The following TNK2 variants were observed in gnomAD, a reference collection of about 807,000 sequenced individuals.
The protein encoded by TNK2 is tyrosine kinase non receptor 2.
Under a neutral mutation model 101.8 loss-of-function variants are expected in TNK2, and 83 were observed. That is an observed-to-expected ratio of 0.82 (90% CI 0.68 to 0.98). The LOEUF (loss-of-function observed/expected upper bound fraction) is 0.98. Among genes scored for constraint, TNK2 ranks in the 50% least tolerant of loss-of-function variants. TNK2 has a pLI of 0.00. For synonymous variants in TNK2, 804 were observed against 633.0 expected (o/e 1.27, Z -4.06); for missense variants, 1,665 against 1,483.2 (o/e 1.12, Z -2.01).
At chr3:195,908,228 T>G (rs946325317) in intron 1 of TNK2, 2 of 154,424 alleles carry the variant, frequency 1.3e-5, no homozygotes, top group African/African-American at 4.8e-5. Context: ...CTCTTCCCTC[T>G]GCACAGACCT....
intron 10 of TNK2, 100 bp from the exon 11 acceptor site, chr3:195,870,305 T>C (rs1744161177): frequency 6.4e-7 from 1 of 1,553,238 alleles, no homozygotes; most frequent in Admixed American, 1.8e-5. Context: ...CCGGGTGTAG[T>C]CTTGGGTCTG....
Position 195,878,144 on chromosome 3 carries a change from C to G in TNK2, c.1256+109G>C. The G allele has an allele frequency of 8.4e-7, 1 of 1,188,296 alleles. No homozygotes were observed. The highest frequency in any genetic ancestry group is 1.2e-6 in the Non-Finnish European group (1 of 804,152). 73.6% of individuals were successfully genotyped at this position (1,188,296 alleles called of 1,614,324 possible). ...GCAGGGTTCAGGCCCAACCGCCAGC[C>G]TGTATGTGGCCAAGGGAATCTTGGA... On this transcript the variant is annotated intron_variant, in intron 9 of 15. Transcript: ENST00000672887. The surrounding 1 kb of genome is among the most constrained non-coding windows in gnomAD (Gnocchi z 4.7).
chr3:195,872,001 G>C (rs529855488), intron 10 of TNK2, among the ~76,000 whole-genome samples: 11 of 131,466 alleles, frequency 8.4e-5, no homozygotes, highest in African/African-American at 1.2e-4. Flanking sequence ...CCCTCCCCTG[G>C]AGAACATTCC....
At chr3:195,901,672 T>A (rs981721248) in intron 1 of TNK2, among the ~76,000 whole-genome samples, 2 of 152,104 alleles carry the variant, frequency 1.3e-5, no homozygotes, top group Non-Finnish European at 2.9e-5. Flanking sequence ...GAAGACACTA[T>A]GCGCCAGCTC....
At chr3:195,895,629 C>A (rs1283779032) in intron 1 of TNK2, 2 of 1,285,538 alleles carry the variant, frequency 1.6e-6, no homozygotes, top group South Asian at 2.5e-5. Context: ...CCACCGAGAG[C>A]CGGGGCTCTG....
At chr3:195,866,193 T>C (rs1052489606) in intron 15 of TNK2, among the ~76,000 whole-genome samples, 1 of 152,232 alleles carries the variant, frequency 6.6e-6, no homozygotes, top group Admixed American at 6.5e-5. Flanking sequence ...ACAATATATT[T>C]TCTTTTTAGA....
intron 2 of TNK2, among the ~76,000 whole-genome samples, chr3:195,887,543 A>G (rs1218304369): frequency 6.6e-6 from 1 of 152,260 alleles, no homozygotes; most frequent in African/African-American, 2.4e-5. Context: ...ATTATTACCT[A>G]TTTAGCTATT....
At chr3:195,899,324 G>A (rs564680189) in intron 1 of TNK2, among the ~76,000 whole-genome samples, 4 of 151,882 alleles carry the variant, frequency 2.6e-5, no homozygotes, top group African/African-American at 4.8e-5. Context: ...GTGAAAAATA[G>A]CCAAAATAAT....
chr3:195,894,189 G>A (rs1759693614), intron 1 of TNK2: 1 of 147,256 alleles, frequency 6.8e-6, no homozygotes, highest in African/African-American at 2.5e-5. Context: ...CCGGGGGCCG[G>A]GGAACAATTT....
At chr3:195,870,497 C>G (rs1560485216) in intron 10 of TNK2, 1 of 987,654 alleles carries the variant, frequency 1.0e-6, no homozygotes, top group Non-Finnish European at 1.4e-6. Flanking sequence ...AGGCCCCCAG[C>G]CCACACCAGG....
intron 1 of TNK2, among the ~76,000 whole-genome samples, chr3:195,904,902 T>C (rs944142230): frequency 1.3e-5 from 2 of 152,232 alleles, no homozygotes; most frequent in African/African-American, 4.8e-5. Context: ...GAAGGCTCAA[T>C]ACTGCTAACC....
chr3:195,864,716 C>A (rs1230602023), intron 15 of TNK2, among the ~76,000 whole-genome samples: 1 of 140,268 alleles, frequency 7.1e-6, no homozygotes, highest in Non-Finnish European at 1.5e-5. Context: ...TCAGTAAGAA[C>A]CACCCGAGAC....
chr3:195,891,371 A>G (rs1758366829), intron 1 of TNK2, among the ~76,000 whole-genome samples: 1 of 152,268 alleles, frequency 6.6e-6, no homozygotes, highest in Non-Finnish European at 1.5e-5. Flanking sequence ...GTGCCATTGC[A>G]CTCCAGCCTG....
rs1755232562 is a variant in TNK2, at chr3:195,885,550, AG to A, written c.235-518del. On this transcript the variant is annotated intron_variant, in intron 3 of 15. Transcript: ENST00000672887. The surrounding 1 kb of genome is among the most constrained non-coding windows in gnomAD (Gnocchi z 4.7). ...GAGTCGGCTGCCCTTCATCCTGCCC[AG>A]GGGAGAGGATAATTTTAGTCTGAGG... 7.7e-7 allele frequency: 1 copy of A among 1,291,086 alleles called. No individual in the cohort carries two copies. The highest frequency in any genetic ancestry group is 1.0e-6 in the Non-Finnish European group (1 of 989,812). 80.0% of individuals were successfully genotyped at this position (1,291,086 alleles called of 1,614,324 possible). A position where few individuals can be genotyped will look rare whatever the true frequency, so the allele number is the denominator to read the frequency against.
chr3:195,863,888 C>G lies in TNK2; in HGVS notation c.*293G>C. 2.3e-6 allele frequency: 1 copy of G among 426,102 alleles called. No homozygotes were observed. The highest frequency in any genetic ancestry group is 3.5e-5 in the East Asian group (1 of 28,568). The allele number at this position is 426,102 out of a possible 1,614,324, so 26.4% of individuals were successfully genotyped here. On this transcript the variant is annotated 3_prime_UTR_variant, in exon 16 of 16. Coordinates refer to ENST00000672887, the MANE Select transcript of TNK2 (RefSeq NM_001382273.1). ...CCCCGCCCAGGACCAGGGCCAGAGG[C>G]AGGTCATACCCAGAGCCTGCTGGGG...
At chr3:195,905,474 G>C (rs1004301849) in intron 1 of TNK2, among the ~76,000 whole-genome samples, 1 of 152,028 alleles carries the variant, frequency 6.6e-6, no homozygotes, top group Non-Finnish European at 1.5e-5. Flanking sequence ...ACTGGGATTA[G>C]AGGAGTGAGC....
chr3:195,868,425 G>A lies in TNK2; in HGVS notation c.1873C>T (p.Arg625Trp), dbSNP rs371483691. The change falls in exon 13 of 16, where the codon CGG (arginine) becomes TGG (tryptophan). Residue 625 changes from arginine (R) to tryptophan (W), a missense_variant. This residue lies in a region of TNK2 where 1,136 missense variants were observed against 894.9 expected (regional missense o/e 1.27). Transcript: ENST00000672887. ...LDETPPQSPT[R>W]ALPRPLHPTP... ...GGGTGCAGGGGCCGGGGCAGTGCCCGCGTGGGGCTCTGAGGCGGGGTCTCG... is the reference window on the plus strand; with the variant it reads ...GGGTGCAGGGGCCGGGGCAGTGCCCACGTGGGGCTCTGAGGCGGGGTCTCG... 55 of 1,570,690 alleles carry A rather than the reference G, an allele frequency of 3.5e-5. No homozygotes were observed. In the East Asian group the frequency reaches 5.0e-4, roughly 14 times the overall value.
chr3:195,867,539 G>C lies in TNK2; in HGVS notation c.2759C>G (p.Pro920Arg). 1 of 1,528,684 alleles carries C rather than the reference G, an allele frequency of 6.5e-7. No individual in the cohort carries two copies. The highest frequency in any genetic ancestry group is 8.7e-7 in the Non-Finnish European group (1 of 1,145,178). 94.7% of individuals were successfully genotyped at this position (1,528,684 alleles called of 1,614,324 possible). A position where few individuals can be genotyped will look rare whatever the true frequency, so the allele number is the denominator to read the frequency against. ...PPPSTPAPAA[P>R]TATVRPMPQA... The stretch of plus-strand genomic sequence containing the variant: ...GGGCATCGGCCGCACGGTGGCCGTG[G>C]GGGCGGCGGGGGCTGGGGTGCTGGG... The change falls in exon 13 of 16, where the codon CCC becomes CGC. Residue 920 changes from proline (P) to arginine (R), a missense_variant. By Grantham distance (103) the Pro-to-Arg change is moderately radical (BLOSUM62 -2). Transcript: ENST00000672887.
chr3:195,907,280 G>A (rs527505332), intron 1 of TNK2, among the ~76,000 whole-genome samples: 117 of 152,354 alleles, frequency 7.7e-4, no homozygotes, highest in Middle Eastern at 3.4e-3. Flanking sequence ...AGCGCGACAG[G>A]CATGGGATGA....
Sources: allele counts gnomAD v4.1 joint callset (sites outside exome capture counted in the v4.1 genomes callset), GRCh38; gene constraint gnomAD v4.1.1; regional missense constraint gnomAD v4.1.1; non-coding constraint Gnocchi (gnomAD v3.1); transcripts MANE v1.5; gene names NCBI Gene and HGNC (gene_info 2026-07-23, HGNC 2026-07-21).